Variants in PRAG1 observed in about 807,000 individuals in gnomAD.
PRAG1 encodes inactive tyrosine-protein kinase PRAG1.
Under a neutral mutation model 95.6 loss-of-function variants are expected in PRAG1, and 110 were observed. The ratio of observed to expected loss-of-function variants is 1.15; its 90% CI spans 0.99 to 1.35. PRAG1 has a LOEUF of 1.35. PRAG1 is among the 40% of genes most tolerant of loss of function. The pLI is 0.00. For missense variants in PRAG1, 2,554 were observed against 1,864.7 expected, an observed-to-expected ratio of 1.37 and a Z score of -6.81; for synonymous variants, 1,052 against 819.4, an observed-to-expected ratio of 1.28 and a Z score of -4.85.
intron 3 of PRAG1, among the ~76,000 whole-genome samples, chr8:8,345,048 T>A (rs1021602416): frequency 1.8e-5 from 1 of 56,942 alleles, no homozygotes; most frequent in Non-Finnish European, 3.4e-5. Flanking sequence ...ATCCGCAGGG[T>A]GTGTGTGTGT....
chr8:8,378,142 G>A (rs1800498564), intron 2 of PRAG1, 64 bp from the exon 3 acceptor site: 2 of 1,489,350 alleles, frequency 1.3e-6, no homozygotes, highest in Admixed American at 2.3e-5. Context: ...AGAGAGAGAG[G>A]AAAAGTGAGA....
intron 3 of PRAG1, among the ~76,000 whole-genome samples, chr8:8,346,627 G>C (rs552106698): frequency 6.6e-6 from 1 of 152,318 alleles, no homozygotes; most frequent in African/African-American, 2.4e-5. Context: ...GTAGGAACAA[G>C]CCTCATCTAA....
intron 3 of PRAG1, among the ~76,000 whole-genome samples, chr8:8,365,689 G>A (rs1339656788): frequency 6.7e-6 from 1 of 149,888 alleles, no homozygotes; most frequent in Non-Finnish European, 1.5e-5. Context: ...TGGGCTGAGT[G>A]CAGTGACTCA....
chr8:8,347,365 T>C (rs115811203), intron 3 of PRAG1, among the ~76,000 whole-genome samples: 2,323 of 152,332 alleles, frequency 0.015, 50 homozygotes, highest in African/African-American at 0.053. Flanking sequence ...GACTTTTCTA[T>C]AAAATGCACT....
At chr8:8,359,742 A>C (rs1434950505) in intron 3 of PRAG1, among the ~76,000 whole-genome samples, 1 of 152,190 alleles carries the variant, frequency 6.6e-6, no homozygotes, top group Non-Finnish European at 1.5e-5. Context: ...AGCTTTCCTC[A>C]GTTTCCTTGA....
chr8:8,370,878 G>T (rs114895913), intron 3 of PRAG1, among the ~76,000 whole-genome samples: 5 of 152,188 alleles, frequency 3.3e-5, no homozygotes, highest in African/African-American at 1.2e-4. Flanking sequence ...ACCGGGGGCT[G>T]TAGCTCACAC....
At chr8:8,362,620 G>C (rs189855811) in intron 3 of PRAG1, among the ~76,000 whole-genome samples, 1 of 152,174 alleles carries the variant, frequency 6.6e-6, no homozygotes, top group Admixed American at 6.5e-5. Flanking sequence ...CAAACTGTTG[G>C]AAATAAATGC....
intron 3 of PRAG1, among the ~76,000 whole-genome samples, chr8:8,342,808 A>C (rs557429063): frequency 9.2e-5 from 14 of 152,252 alleles, no homozygotes; most frequent in Non-Finnish European, 1.6e-4. Flanking sequence ...TAAATTCATC[A>C]GAAAAAATAA....
In PRAG1 at chr8:8,318,247, G is replaced by C. The variant is rs751497058; in HGVS notation, c.4128C>G (p.Gly1376=). The change falls in exon 6 of 6, where the codon GGC becomes GGG. Residue 1376 remains glycine, a synonymous_variant. Coordinates refer to ENST00000615670, the MANE Select transcript of PRAG1 (RefSeq NM_001080826.3). This position sits in a 1 kb window ranked among gnomAD's most constrained non-coding sequence, Gnocchi z 4.2. The stretch of plus-strand genomic sequence containing the variant: ...AGCAAAGCCAGTCCTCCAGCTCCAC[G>C]CCCCGCCTGCGATCCACCGCCTTCT... The part of the protein sequence containing the change: ...FAEKAVDRRR[G]VELEDWLCCQ... 2 of 1,614,152 alleles carry C rather than the reference G, an allele frequency of 1.2e-6. No individual in the cohort carries two copies. The highest frequency in any genetic ancestry group is 2.2e-5 in the East Asian group (1 of 44,874).
At chr8:8,342,283 C>T (rs1167814163) in intron 3 of PRAG1, among the ~76,000 whole-genome samples, 1 of 150,524 alleles carries the variant, frequency 6.6e-6, no homozygotes, top group Non-Finnish European at 1.5e-5. Context: ...AGCTACGCCT[C>T]CCGGGTTCAC....
At chr8:8,365,291 C>T in intron 3 of PRAG1, among the ~76,000 whole-genome samples, 1 of 152,188 alleles carries the variant, frequency 6.6e-6, no homozygotes, top group East Asian at 1.9e-4. Context: ...GACACAGCTC[C>T]TGCATCTGCC....
At chr8:8,381,212 G>T (rs551343549) in intron 2 of PRAG1, among the ~76,000 whole-genome samples, 2 of 152,310 alleles carry the variant, frequency 1.3e-5, no homozygotes, top group Non-Finnish European at 2.9e-5. Flanking sequence ...CTGGGGGACT[G>T]GATTAATGAT....
chr8:8,317,948 G>A lies in PRAG1; in HGVS notation c.*206C>T, dbSNP rs1441843807. 1.1e-5 allele frequency: 4 copies of A among 365,090 alleles called. No homozygotes were observed. The highest frequency in any genetic ancestry group is 1.9e-5 in the Non-Finnish European group (4 of 212,934). The allele number at this position is 365,090 out of a possible 1,614,324, so 22.6% of individuals were successfully genotyped here. On this transcript the variant is annotated 3_prime_UTR_variant, in exon 6 of 6. Transcript: ENST00000615670. The stretch of plus-strand genomic sequence containing the variant: ...AAACAGGGAGGACTTAGTGCAGAGA[G>A]GAGACGAGTGTGGACGGGCAACAGC...
chr8:8,368,308 C>T (rs1277716598), intron 3 of PRAG1, among the ~76,000 whole-genome samples: 4 of 152,110 alleles, frequency 2.6e-5, no homozygotes, highest in Admixed American at 6.6e-5. Context: ...ACAGAGAAGC[C>T]GTCCAGTGCA....
rs1464962183 is a variant in PRAG1, at chr8:8,383,111, A to C, written c.-87-1277T>G. Among the ~76,000 whole-genome samples the C allele has an allele frequency of 2.6e-5, 4 of 152,234 alleles. No homozygotes were observed. The East Asian group carries it at 5.8e-4, about 22-fold the overall frequency. ...ATAAGGATCTGCCTTAAGTTTGATAATCTCTAAACTGTCAACAGGACTAAC... is the reference window on the plus strand; with the variant it reads ...ATAAGGATCTGCCTTAAGTTTGATACTCTCTAAACTGTCAACAGGACTAAC... On this transcript the variant is annotated intron_variant, in intron 1 of 5. Transcript: ENST00000615670.
At chr8:8,324,784 C>T (rs907863811) in intron 5 of PRAG1, among the ~76,000 whole-genome samples, 1 of 152,164 alleles carries the variant, frequency 6.6e-6, no homozygotes, top group African/African-American at 2.4e-5. Context: ...CAGCTTAAAA[C>T]GGGGCCCTAA....
At chr8:8,373,973 T>TA (rs1800297807) in intron 3 of PRAG1, among the ~76,000 whole-genome samples, 1 of 152,162 alleles carries the variant, frequency 6.6e-6, no homozygotes, top group Non-Finnish European at 1.5e-5. Context: ...CCGAGATTCT[T>TA]AAAGGAGTAA....
chr8:8,318,557 A>C lies in PRAG1; in HGVS notation c.3818T>G (p.Val1273Gly), dbSNP rs926323860. The change falls in exon 6 of 6, where the codon GTG becomes GGG. Residue 1273 changes from valine (V) to glycine (G), a missense_variant. Val to Gly is a moderately radical substitution (Grantham distance 109, BLOSUM62 -3). Coordinates refer to ENST00000615670, the MANE Select transcript of PRAG1 (RefSeq NM_001080826.3). This position sits in a 1 kb window ranked among gnomAD's most constrained non-coding sequence, Gnocchi z 4.2. ...ELLHQPNPFE[V>G]RAQLRERDYR... ...GTCTCTCTCCCGCAGCTGGGCGCGCACCTCGAACGGGTTGGGTTGGTGCAG... is the reference window on the plus strand; with the variant it reads ...GTCTCTCTCCCGCAGCTGGGCGCGCCCCTCGAACGGGTTGGGTTGGTGCAG... 2 of 1,613,300 alleles carry C rather than the reference A, an allele frequency of 1.2e-6. No individual in the cohort carries two copies. Among genetic ancestry groups the C allele is most frequent in the East Asian group, 2.2e-5 (1 of 44,794 alleles).
intron 4 of PRAG1, among the ~76,000 whole-genome samples, chr8:8,336,879 T>G: frequency 7.2e-6 from 1 of 138,886 alleles, no homozygotes; most frequent in African/African-American, 2.8e-5. Context: ...AACTAAAACC[T>G]TCCCCCCACT....
Sources: gnomAD v4.1 joint callset for allele counts (sites outside exome capture counted in the v4.1 genomes callset) on GRCh38, gnomAD v4.1.1 for gene constraint, Gnocchi (gnomAD v3.1) non-coding constraint, MANE v1.5 for transcripts, NCBI Gene and HGNC (gene_info 2026-07-23, HGNC 2026-07-21) for gene names.